Variants in BACE1 observed in about 807,000 individuals in gnomAD.
BACE1 encodes beta-secretase 1, also known as APP beta-secretase.
Under a neutral mutation model 54.0 loss-of-function variants are expected in BACE1, and 21 were observed. That is an observed-to-expected ratio of 0.39 (90% CI 0.28 to 0.56). The LOEUF is 0.56. Among genes scored for constraint, BACE1 ranks in the 20% least tolerant of loss-of-function variants. The pLI, the probability that BACE1 is intolerant of heterozygous loss-of-function variation, is 0.63. For missense variants in BACE1, 511 were observed against 661.2 expected, an observed-to-expected ratio of 0.77 and a Z score of 2.49; for synonymous variants, 232 against 260.9, an observed-to-expected ratio of 0.89 and a Z score of 1.07.
At chr11:117,301,407 A>G (rs2134473494) in intron 1 of BACE1, among the ~76,000 whole-genome samples, 1 of 152,274 alleles carries the variant, frequency 6.6e-6, no homozygotes, top group Non-Finnish European at 1.5e-5. Context: ...CCTGGACAAC[A>G]TAGTGAGACC....
intron 5 of BACE1, 76 bp from the exon 6 acceptor site, chr11:117,291,889 T>C (rs2034450343): frequency 1.0e-5 from 12 of 1,150,938 alleles, no homozygotes; most frequent in Non-Finnish European, 1.6e-5. Context: ...GGGTTACTGC[T>C]GGGGCCCCAG....
intron 1 of BACE1, among the ~76,000 whole-genome samples, chr11:117,302,977 G>A (rs1441086381): frequency 6.6e-6 from 1 of 152,190 alleles, no homozygotes; most frequent in African/African-American, 2.4e-5. Flanking sequence ...CTATTAAAAT[G>A]TCTTTAGTGT....
chr11:117,314,550 T>C (rs2035031635), intron 1 of BACE1: 2 of 152,252 alleles, frequency 1.3e-5, no homozygotes, highest in Non-Finnish European at 2.9e-5. Flanking sequence ...GGCTCACAGA[T>C]GTGCAGGATC....
Position 117,311,695 on chromosome 11 carries a change from C to T in BACE1, c.261+3840G>A, listed in dbSNP as rs139499216. On this transcript the variant is annotated intron_variant, in intron 1 of 8. Transcript: ENST00000313005. ...TTGCTCTGTCACCCAGGCTGGAGTG[C>T]AGTGGCGCAATCTCAGCTCACTGCA... Among the ~76,000 whole-genome samples the T allele has an allele frequency of 9.5e-3, 1,444 of 152,290 alleles. 22 individuals carry two copies. Among genetic ancestry groups the T allele is most frequent in the African/African-American group, 0.033 (1,383 of 41,546 alleles).
intron 2 of BACE1, among the ~76,000 whole-genome samples, chr11:117,296,448 A>G (rs932295599): frequency 2.6e-5 from 4 of 152,166 alleles, no homozygotes; most frequent in African/African-American, 9.7e-5. Context: ...CCCCTGGGTA[A>G]GAACACAGCA....
chr11:117,315,524 G>A lies in BACE1; in HGVS notation c.261+11C>T. On this transcript the variant is annotated intron_variant, in intron 1 of 8. Transcript: ENST00000313005. This position sits in a 1 kb window ranked among gnomAD's most constrained non-coding sequence, Gnocchi z 5.5. ...CAGGCGGAGGGCTAAGGGCTGGCCT[G>A]ACCACCTTACCGTCTGCGGGGGGCT... is the stretch of plus-strand genomic sequence containing the variant. 6.3e-7 allele frequency: 1 copy of A among 1,578,254 alleles called. No homozygotes were observed. The highest frequency in any genetic ancestry group is 1.1e-5 in the South Asian group (1 of 87,034).
intron 2 of BACE1, among the ~76,000 whole-genome samples, 189 bp downstream of exon 2, chr11:117,296,684 A>G (rs1454392901): frequency 6.6e-6 from 1 of 151,822 alleles, no homozygotes; most frequent in Non-Finnish European, 1.5e-5. Context: ...ACCCTTTCCC[A>G]TGGTATAGCT....
chr11:117,295,068 A>C (rs1268987772), intron 3 of BACE1, 63 bp downstream of exon 3: 1 of 1,464,780 alleles, frequency 6.8e-7, no homozygotes, highest in Non-Finnish European at 9.6e-7. Context: ...TCTCTCTCCT[A>C]ATTCCTTCTC....
chr11:117,298,170 C>T (rs780066500), intron 1 of BACE1, among the ~76,000 whole-genome samples: 23 of 152,042 alleles, frequency 1.5e-4, no homozygotes, highest in African/African-American at 4.3e-4. Context: ...GGTGTGGTGA[C>T]GCACGCCTAT....
chr11:117,295,580 A>G (rs1400673016), intron 2 of BACE1: 9 of 1,535,442 alleles, frequency 5.9e-6, no homozygotes, highest in Middle Eastern at 1.7e-4. Context: ...TATTGCTCAT[A>G]TTCCTAGATC....
At chr11:117,312,320 C>T (rs2034962905) in intron 1 of BACE1, among the ~76,000 whole-genome samples, 1 of 152,174 alleles carries the variant, frequency 6.6e-6, no homozygotes. Flanking sequence ...GCCATCTGCC[C>T]CCTGGGAATA....
At chr11:117,299,844 G>T in intron 1 of BACE1, 1 of 265,896 alleles carries the variant, frequency 3.8e-6, no homozygotes, top group Admixed American at 6.1e-5. Context: ...CCCAGCATGG[G>T]GGGCTGGCCT....
chr11:117,311,108 A>T (rs570582830), intron 1 of BACE1, among the ~76,000 whole-genome samples: 1 of 152,174 alleles, frequency 6.6e-6, no homozygotes, highest in Admixed American at 6.5e-5. Context: ...TAAGGGAAAA[A>T]CTAATAGGAG....
intron 1 of BACE1, among the ~76,000 whole-genome samples, chr11:117,313,681 G>A (rs924545448): frequency 6.6e-6 from 1 of 152,122 alleles, no homozygotes; most frequent in African/African-American, 2.4e-5. Flanking sequence ...CAGGTGATCT[G>A]CCCACCTTGG....
intron 1 of BACE1, among the ~76,000 whole-genome samples, chr11:117,297,730 C>T (rs2034637056): frequency 6.6e-6 from 1 of 152,216 alleles, no homozygotes; most frequent in African/African-American, 2.4e-5. Context: ...ATAGGTAACA[C>T]CCCTCAGAGA....
chr11:117,307,511 C>A (rs2034856635), intron 1 of BACE1, among the ~76,000 whole-genome samples: 3 of 152,132 alleles, frequency 2.0e-5, no homozygotes. Flanking sequence ...AGGGTTTCAC[C>A]ACGTTGGCCA....
intron 1 of BACE1, 71 bp from the exon 2 acceptor site, chr11:117,297,032 C>T (rs1285417071): frequency 1.8e-6 from 2 of 1,131,538 alleles, no homozygotes; most frequent in Non-Finnish European, 2.6e-6. Flanking sequence ...TATTATCCCT[C>T]ACGCCCCAGC....
At position 117,287,016 on chromosome 11, in the gene BACE1, C is replaced by T. The variant is rs1356866054; in HGVS notation, c.*2550G>A. On this transcript the variant is annotated 3_prime_UTR_variant, in exon 9 of 9. Transcript: ENST00000313005. ...CCACCTGCCGTATTTTTCAGTATCCCCTGCAAATTTAGAAATTGAAAATGA... is the reference window on the plus strand; with the variant it reads ...CCACCTGCCGTATTTTTCAGTATCCTCTGCAAATTTAGAAATTGAAAATGA... 3.3e-5 allele frequency: 5 copies of T among 152,164 alleles called. No homozygotes were observed. The highest frequency in any genetic ancestry group is 5.9e-5 in the Non-Finnish European group (4 of 68,032). 9.4% of individuals were successfully genotyped at this position (152,164 alleles called of 1,614,324 possible).
At chr11:117,297,261 AT>A (rs1490838299) in intron 1 of BACE1, 1 of 324,230 alleles carries the variant, frequency 3.1e-6, no homozygotes, top group African/African-American at 2.2e-5. Context: ...AGTCAAAAAA[AT>A]ATAGGAAGTC....
Sources: gnomAD v4.1 joint callset for allele counts (sites outside exome capture counted in the v4.1 genomes callset) on GRCh38, gnomAD v4.1.1 for gene constraint, Gnocchi (gnomAD v3.1) non-coding constraint, MANE v1.5 for transcripts, NCBI Gene and HGNC (gene_info 2026-07-23, HGNC 2026-07-21) for gene names.